Variants in DCN observed in about 807,000 individuals in gnomAD.
The protein encoded by DCN is decorin.
Under a neutral mutation model 36.5 loss-of-function variants are expected in DCN, and 17 were observed. The observed-to-expected ratio is 0.47, with a 90% CI of 0.32 to 0.70. The LOEUF (loss-of-function observed/expected upper bound fraction) is 0.70. DCN is among the 30% of genes least tolerant of loss of function. The pLI is 0.04. For missense variants in DCN, 389 were observed against 430.1 expected (o/e 0.90, Z 0.84); for synonymous variants, 163 against 161.4 (o/e 1.01, Z -0.07).
intron 3 of DCN, among the ~76,000 whole-genome samples, chr12:91,162,681 AC>A (rs1464718638): frequency 6.6e-6 from 1 of 152,206 alleles, no homozygotes; most frequent in African/African-American, 2.4e-5. Flanking sequence ...CAGGCAGGTA[AC>A]AAATCACTAG....
At position 91,145,935 on chromosome 12, in the gene DCN, TA is replaced by T; in HGVS notation, c.*122del. On this transcript the variant is annotated 3_prime_UTR_variant, in exon 8 of 8. Coordinates refer to ENST00000052754, the MANE Select transcript of DCN (RefSeq NM_001920.5). ...ACTGGAAATTTGGCTTTATGCATAA[TA>T]AGTCATGTGGGTAAAACATCCACAT... is the stretch of plus-strand genomic sequence containing the variant. The T allele has an allele frequency of 1.2e-6, 1 of 858,164 alleles. No homozygotes were observed. The highest frequency in any genetic ancestry group is 1.9e-6 in the Non-Finnish European group (1 of 531,142). 53.2% of individuals were successfully genotyped at this position (858,164 alleles called of 1,614,324 possible).
intron 1 of DCN, among the ~76,000 whole-genome samples, chr12:91,178,813 C>T (rs977742605): frequency 1.3e-5 from 2 of 152,100 alleles, no homozygotes; most frequent in African/African-American, 4.8e-5. Flanking sequence ...TTATTTAAAT[C>T]TGCTTGTTTG....
intron 3 of DCN, 143 bp downstream of exon 3, chr12:91,164,462 T>TAAAA (rs36087078): frequency 4.1e-5 from 13 of 317,620 alleles, no homozygotes; most frequent in Middle Eastern, 8.5e-4. Context: ...AAAAAAAAAG[T>TAAAA]AAAAAAAAAA....
At chr12:91,148,769 C>A (rs1162388538) in intron 7 of DCN, among the ~76,000 whole-genome samples, 1 of 145,618 alleles carries the variant, frequency 6.9e-6, no homozygotes, top group African/African-American at 2.6e-5. Context: ...TTGTTCTACC[C>A]ACTAGGACAT....
At chr12:91,159,263 C>G (rs1406080914) in intron 3 of DCN, among the ~76,000 whole-genome samples, 2 of 152,026 alleles carry the variant, frequency 1.3e-5, no homozygotes, top group African/African-American at 4.8e-5. Flanking sequence ...AGGATGATAC[C>G]AATTTATGCT....
At position 91,144,573 on chromosome 12, in the gene DCN, C is replaced by G. The variant is rs1880903703; in HGVS notation, c.*1485G>C. On this transcript the variant is annotated 3_prime_UTR_variant, in exon 8 of 8. Transcript: ENST00000052754. ...GTAACTTTCCCTAATGTTAATATTA[C>G]CTCGGGATATGTCAAATGTAAATGA... 1 of 152,130 alleles carries G rather than the reference C, an allele frequency of 6.6e-6. No homozygotes were observed. The highest frequency in any genetic ancestry group is 2.4e-5 in the African/African-American group (1 of 41,420). 9.4% of individuals were successfully genotyped at this position (152,130 alleles called of 1,614,324 possible).
Position 91,142,061 on chromosome 12 carries a change from T to C in DCN, c.*3997A>G, listed in dbSNP as rs1036832664. 1.3e-5 allele frequency: 2 copies of C among 152,214 alleles called. No homozygotes were observed. Among genetic ancestry groups the C allele is most frequent in the African/African-American group, 2.4e-5 (1 of 41,452 alleles). 9.4% of individuals were successfully genotyped at this position (152,214 alleles called of 1,614,324 possible). A position where few individuals can be genotyped will look rare whatever the true frequency, so the allele number is the denominator to read the frequency against. Reference sequence around the variant, plus strand: ...CACTATTATACTTTGTGGTGTGAAATTGACAGTCTGTCACAGACCTGTGAT... The same window carrying C: ...CACTATTATACTTTGTGGTGTGAAACTGACAGTCTGTCACAGACCTGTGAT... On this transcript the variant is annotated 3_prime_UTR_variant, in exon 8 of 8. Transcript: ENST00000052754.
chr12:91,159,673 TCTC>T (rs1417996268), intron 3 of DCN, among the ~76,000 whole-genome samples: 1 of 151,990 alleles, frequency 6.6e-6, no homozygotes, highest in African/African-American at 2.4e-5. Context: ...ATTTCTGAGT[TCTC>T]CTTATATAAG....
In DCN at chr12:91,140,654, G is replaced by A. The variant is rs574004942; in HGVS notation, c.*5404C>T. On this transcript the variant is annotated 3_prime_UTR_variant, in exon 8 of 8. Transcript: ENST00000052754. ...AAGAAGGATCACAATCTATATTCCG[G>A]CATCTCTAGAATTTATGTCTACAGC... 2 of 152,238 alleles carry A rather than the reference G, an allele frequency of 1.3e-5. No homozygotes were observed. The highest frequency in any genetic ancestry group is 6.5e-5 in the Admixed American group (1 of 15,298). 9.4% of individuals were successfully genotyped at this position (152,238 alleles called of 1,614,324 possible). A position where few individuals can be genotyped will look rare whatever the true frequency, so the allele number is the denominator to read the frequency against.
chr12:91,142,513 A>T lies in DCN; in HGVS notation c.*3545T>A, dbSNP rs1880785032. ...AAGGAATATAAAAAAGATAATAGTG[A>T]TGATTCAGACAAATGAATGAGCAGA... On this transcript the variant is annotated 3_prime_UTR_variant, in exon 8 of 8. Transcript: ENST00000052754. 6.6e-6 allele frequency: 1 copy of T among 152,212 alleles called. No individual in the cohort carries two copies. The highest frequency in any genetic ancestry group is 1.5e-5 in the Non-Finnish European group (1 of 68,032). The allele number at this position is 152,212 out of a possible 1,614,324, so 9.4% of individuals were successfully genotyped here.
At chr12:91,172,104 A>G (rs1882995893) in intron 2 of DCN, 1 of 124,642 alleles carries the variant, frequency 8.0e-6, no homozygotes, top group South Asian at 2.2e-4. Context: ...TTAAGATATT[A>G]CCAAAAAAAT....
chr12:91,150,969 C>T (rs926786584), intron 7 of DCN: 2 of 152,568 alleles, frequency 1.3e-5, no homozygotes, highest in Admixed American at 1.3e-4. Context: ...TAGAAGCCAT[C>T]ATCCTCAGCA....
At chr12:91,152,371 A>G (rs1331371594) in intron 6 of DCN, among the ~76,000 whole-genome samples, 1 of 152,076 alleles carries the variant, frequency 6.6e-6, no homozygotes, top group Non-Finnish European at 1.5e-5. Flanking sequence ...TATATATAAC[A>G]ACAGGAATGA....
chr12:91,144,810 T>A lies in DCN; in HGVS notation c.*1248A>T, dbSNP rs148572652. On this transcript the variant is annotated 3_prime_UTR_variant, in exon 8 of 8. Transcript: ENST00000052754. ...TCTCCTCAAGTTTTTCATGTTCCAC[T>A]GCACTCATTCTGCTACTATTAGCAG... 1 of 152,308 alleles carries A rather than the reference T, an allele frequency of 6.6e-6. No individual in the cohort carries two copies. Among genetic ancestry groups the A allele is most frequent in the East Asian group, 1.9e-4 (1 of 5,186 alleles). The allele number at this position is 152,308 out of a possible 1,614,324, so 9.4% of individuals were successfully genotyped here.
At chr12:91,172,795 A>G (rs1365665336) in intron 2 of DCN, 2 of 692,442 alleles carry the variant, frequency 2.9e-6, no homozygotes, top group Non-Finnish European at 5.2e-6. Context: ...AGTGATGTGT[A>G]AAGAGTCTAC....
chr12:91,164,677 A>G lies in DCN; in HGVS notation c.252T>C (p.Thr84=). 1 of 1,612,958 alleles carries G rather than the reference A, an allele frequency of 6.2e-7. No individual in the cohort carries two copies. Among genetic ancestry groups the G allele is most frequent in the Non-Finnish European group, 8.5e-7 (1 of 1,178,968 alleles). Residue 84 remains threonine (T), a synonymous_variant, in exon 3 of 8, where the codon ACT becomes ACC. Transcript: ENST00000052754. ...KVPKDLPPDT[T]LLDLQNNKIT... ...TTTTGTTGTTTTGCAGGTCTAGCAG[A>G]GTTGTGTCAGGGGGAAGATCCTTTG...
At chr12:91,164,400 CAAAAA>C (rs5799980) in intron 3 of DCN, among the ~76,000 whole-genome samples, 200 bp downstream of exon 3, 38 of 78,922 alleles carry the variant, frequency 4.8e-4, no homozygotes, top group African/African-American at 2.2e-3. Flanking sequence ...AAGCATAATT[CAAAAA>C]AAAAAAAAAA....
chr12:91,146,293 A>G, intron 7 of DCN, 41 bp from the exon 8 acceptor site: 1 of 1,174,094 alleles, frequency 8.5e-7, no homozygotes, highest in Non-Finnish European at 1.3e-6. Context: ...TATTCTCTAA[A>G]TATGTTGAGG....
intron 2 of DCN, among the ~76,000 whole-genome samples, chr12:91,173,930 A>G (rs1356577590): frequency 2.0e-5 from 3 of 152,240 alleles, no homozygotes; most frequent in African/African-American, 7.2e-5. Flanking sequence ...AAGCAACTAC[A>G]TAATTTAAAA....
Sources: gnomAD v4.1 joint callset for allele counts (sites outside exome capture counted in the v4.1 genomes callset) on GRCh38, gnomAD v4.1.1 for gene constraint, MANE v1.5 for transcripts, NCBI Gene and HGNC (gene_info 2026-07-23, HGNC 2026-07-21) for gene names.